The following MAPK10 variants were observed in gnomAD, a reference collection of about 807,000 sequenced individuals.
MAPK10 encodes mitogen-activated protein kinase 10.
Under a neutral mutation model 59.3 loss-of-function variants are expected in MAPK10, and 25 were observed. That is an observed-to-expected ratio of 0.42 (90% CI 0.31 to 0.59). The LOEUF (loss-of-function observed/expected upper bound fraction) is 0.59, where lower values mean the gene tolerates loss of function less well. MAPK10 is among the 20% of genes least tolerant of loss of function. The pLI is 0.15. For synonymous variants in MAPK10, 190 were observed against 200.5 expected, an observed-to-expected ratio of 0.95 and a Z score of 0.44; for missense variants, 351 against 568.9, an observed-to-expected ratio of 0.62 and a Z score of 3.90.
At chr4:86,565,851 A>G (rs1428100492) in intron 1 of MAPK10, among the ~76,000 whole-genome samples, 1 of 152,144 alleles carries the variant, frequency 6.6e-6, no homozygotes, top group East Asian at 1.9e-4. Context: ...TGTATCTTCA[A>G]CTACTTCCTT....
chr4:86,591,360 G>GT (rs1478347738), intron 1 of MAPK10, among the ~76,000 whole-genome samples: 3 of 151,646 alleles, frequency 2.0e-5, no homozygotes, highest in Admixed American at 6.6e-5. Flanking sequence ...ATTTTCATAT[G>GT]TTTTTTTATT....
intron 1 of MAPK10, among the ~76,000 whole-genome samples, chr4:86,521,145 G>A (rs1010442475): frequency 5.3e-5 from 8 of 152,352 alleles, no homozygotes; most frequent in African/African-American, 1.7e-4. Context: ...TGGTTAGCCA[G>A]GTTGTTGCAG....
chr4:86,473,650 C>T (rs553096448), intron 1 of MAPK10, among the ~76,000 whole-genome samples: 62 of 152,286 alleles, frequency 4.1e-4, no homozygotes, highest in African/African-American at 1.4e-3. Flanking sequence ...ATTTTAAAAC[C>T]GCATTAGAGA....
At chr4:86,409,907 T>A (rs1034745482) in intron 1 of MAPK10, among the ~76,000 whole-genome samples, 4 of 152,226 alleles carry the variant, frequency 2.6e-5, no homozygotes, top group Admixed American at 6.5e-5. Flanking sequence ...TTCTCTTGCC[T>A]GATTGCCCTA....
chr4:86,448,463 A>G (rs962118790), intron 1 of MAPK10, among the ~76,000 whole-genome samples: 1 of 151,956 alleles, frequency 6.6e-6, no homozygotes, highest in Non-Finnish European at 1.5e-5. Context: ...TAATAGTAAG[A>G]CTTCCTATCC....
intron 2 of MAPK10, among the ~76,000 whole-genome samples, chr4:86,226,049 G>A (rs920915062): frequency 6.6e-6 from 1 of 152,184 alleles, no homozygotes; most frequent in African/African-American, 2.4e-5. Context: ...ACAGCATATA[G>A]GATAATACAA....
intron 1 of MAPK10, among the ~76,000 whole-genome samples, chr4:86,540,517 G>A (rs947466038): frequency 3.9e-5 from 6 of 152,056 alleles, no homozygotes; most frequent in African/African-American, 1.2e-4. Flanking sequence ...CAAAAAAACT[G>A]GGCAATTGAA....
intron 2 of MAPK10, among the ~76,000 whole-genome samples, chr4:86,306,393 G>C (rs2095568953): frequency 6.6e-6 from 1 of 152,116 alleles, no homozygotes; most frequent in African/African-American, 2.4e-5. Context: ...TAGTATTTTT[G>C]CAGTATTATG....
intron 1 of MAPK10, among the ~76,000 whole-genome samples, chr4:86,469,550 G>A (rs1229098231): frequency 6.6e-6 from 1 of 152,178 alleles, no homozygotes; most frequent in Non-Finnish European, 1.5e-5. Context: ...ATCACTCACT[G>A]CCAAGATTTT....
At chr4:86,286,715 C>T (rs1665448984) in intron 2 of MAPK10, among the ~76,000 whole-genome samples, 1 of 152,154 alleles carries the variant, frequency 6.6e-6, no homozygotes, top group African/African-American at 2.4e-5. Flanking sequence ...AAAATGAGGG[C>T]AGTGTGCAAT....
At chr4:86,247,174 A>C (rs1349563362) in intron 2 of MAPK10, among the ~76,000 whole-genome samples, 2 of 152,198 alleles carry the variant, frequency 1.3e-5, no homozygotes, top group East Asian at 3.9e-4. Context: ...CGAAGCCTCT[A>C]TTGTACTATA....
chr4:86,558,102 A>G (rs571619720), intron 1 of MAPK10, among the ~76,000 whole-genome samples: 2 of 152,274 alleles, frequency 1.3e-5, no homozygotes, highest in South Asian at 4.1e-4. Context: ...AGTAAATTAA[A>G]AATACATATT....
At chr4:86,101,434 C>T in intron 7 of MAPK10, 1 of 481,354 alleles carries the variant, frequency 2.1e-6, no homozygotes, top group Non-Finnish European at 3.7e-6. Context: ...ATCATTTTCA[C>T]AATTTACACT....
Position 86,439,006 on chromosome 4 carries a change from G to T in MAPK10, c.-122+14024C>A, listed in dbSNP as rs142550607. ...CAATCATGCTGACTGTGGTTCGATG[G>T]CTGCAATGTGCATTCTTATGGTGGC... On this transcript the variant is annotated intron_variant, in intron 1 of 13. Coordinates refer to the MAPK10 transcript ENST00000361569. Among the ~76,000 whole-genome samples the T allele has an allele frequency of 6.1e-3, 922 of 152,270 alleles. 7 individuals carry two copies. Among genetic ancestry groups the T allele is most frequent in the African/African-American group, 0.02 (824 of 41,552 alleles).
At chr4:86,319,227 A>C (rs1384428086) in intron 2 of MAPK10, among the ~76,000 whole-genome samples, 2 of 152,146 alleles carry the variant, frequency 1.3e-5, no homozygotes, top group African/African-American at 4.8e-5. Flanking sequence ...GAATATGGGA[A>C]GTAGGCAGGC....
chr4:86,252,530 A>G (rs2093503207), intron 2 of MAPK10, among the ~76,000 whole-genome samples: 1 of 142,554 alleles, frequency 7.0e-6, no homozygotes, highest in Non-Finnish European at 1.5e-5. Context: ...CCATTGATCT[A>G]TATCTCTGTT....
intron 13 of MAPK10, among the ~76,000 whole-genome samples, chr4:86,026,136 G>GA (rs1189495894): frequency 6.6e-6 from 1 of 152,130 alleles, no homozygotes; most frequent in Non-Finnish European, 1.5e-5. Context: ...TAGAGATTTT[G>GA]AAAAATCTCT....
chr4:86,482,481 G>GA (rs1451185820), intron 1 of MAPK10, among the ~76,000 whole-genome samples: 1 of 152,064 alleles, frequency 6.6e-6, no homozygotes, highest in Non-Finnish European at 1.5e-5. Context: ...TGATTTGAAG[G>GA]ATGGTGGGGG....
chr4:86,274,621 GA>G lies in MAPK10; in HGVS notation c.-7+79908del, dbSNP rs202139488. Among the ~76,000 whole-genome samples the G allele has an allele frequency of 2.8e-4, 42 of 151,418 alleles. 1 individual carries two copies. In the East Asian group the frequency reaches 7.8e-3, roughly 28 times the overall value. ...CTCTGCTATTCTCTTTTTTTCTCAAGACAAAATCTCCATGCATTTATCCATC... is the reference window on the plus strand; with the variant it reads ...CTCTGCTATTCTCTTTTTTTCTCAAGCAAAATCTCCATGCATTTATCCATC... On this transcript the variant is annotated intron_variant, in intron 2 of 13. Coordinates refer to ENST00000641462, the MANE Select transcript of MAPK10 (RefSeq NM_138982.4).
Sources: gnomAD v4.1 joint callset for allele counts (sites outside exome capture counted in the v4.1 genomes callset) on GRCh38, gnomAD v4.1.1 for gene constraint, MANE v1.5 for transcripts, NCBI Gene and HGNC (gene_info 2026-07-23, HGNC 2026-07-21) for gene names.